SLC2A14: variants seen among roughly 807,000 people sequenced by gnomAD.
The protein encoded by SLC2A14 is solute carrier family 2 member 14, also known as solute carrier family 2, facilitated glucose transporter member 14.
A neutral mutation model predicts 43.0 loss-of-function variants in SLC2A14; 13 were observed. The ratio of observed to expected loss-of-function variants is 0.30; its 90% CI spans 0.20 to 0.48. SLC2A14 has a LOEUF of 0.48. Ranked by LOEUF, SLC2A14 falls within the 20% of genes least tolerant of loss-of-function variation. The probability of loss-of-function intolerance (pLI) is 0.99; values close to 1 mark genes in which losing one functional copy is unlikely to be tolerated. For missense variants in SLC2A14, 428 were observed against 620.4 expected, an observed-to-expected ratio of 0.69 and a Z score of 3.29; for synonymous variants, 190 against 233.8, an observed-to-expected ratio of 0.81 and a Z score of 1.71.
intron 7 of SLC2A14, among the ~76,000 whole-genome samples, chr12:7,826,834 T>TTCC (rs1864398710): frequency 6.8e-5 from 2 of 29,572 alleles, no homozygotes; most frequent in African/African-American, 1.2e-4. Flanking sequence ...TCTTTCTTTC[T>TTCC]TTCCTTCCTT....
At chr12:7,886,349 T>TAA in intron 1 of SLC2A14, among the ~76,000 whole-genome samples, 2 of 14,570 alleles carry the variant, frequency 1.4e-4, no homozygotes, top group African/African-American at 3.6e-4. Flanking sequence ...AAAATTTATT[T>TAA]ATTTATTTAT....
At chr12:7,849,306 C>A (rs980825428) in intron 2 of SLC2A14, among the ~76,000 whole-genome samples, 4 of 151,694 alleles carry the variant, frequency 2.6e-5, no homozygotes, top group Non-Finnish European at 5.9e-5. Context: ...AGTTCAAGAC[C>A]ACCCTGGGCA....
intron 2 of SLC2A14, among the ~76,000 whole-genome samples, chr12:7,838,210 C>T (rs767010732): frequency 6.6e-6 from 1 of 152,140 alleles, no homozygotes; most frequent in South Asian, 2.1e-4. Context: ...GCCTCAGCCT[C>T]CAGAGTAGCT....
rs777877978 is a variant in SLC2A14, at chr12:7,878,794, T to C, written c.132+12202A>G. Among the ~76,000 whole-genome samples, 7 of 151,376 alleles carry C rather than the reference T, an allele frequency of 4.6e-5. 1 individual carries two copies. The highest frequency in any genetic ancestry group is 3.9e-4 in the East Asian group (2 of 5,106). On this transcript the variant is annotated intron_variant, in intron 1 of 9. Coordinates refer to the SLC2A14 transcript ENST00000539924. ...GAGATTGAGACCATCCTGGCCAACA[T>C]GGTGAAACCCTGTTGCTAATAAAAA...
At chr12:7,864,977 G>A (rs75756745) in intron 2 of SLC2A14, among the ~76,000 whole-genome samples, 1 of 152,138 alleles carries the variant, frequency 6.6e-6, no homozygotes, top group African/African-American at 2.4e-5. Context: ...GGTATATCTC[G>A]CTTTATTGCA....
chr12:7,878,976 C>CAAAAAAAAAAA (rs58838986), intron 1 of SLC2A14, among the ~76,000 whole-genome samples: 1 of 69,332 alleles, frequency 1.4e-5, no homozygotes, highest in African/African-American at 5.6e-5. Flanking sequence ...GAGTCCGTCT[C>CAAAAAAAAAAA]AAAAAAAAAA....
intron 1 of SLC2A14, chr12:7,871,120 A>C: frequency 7.5e-7 from 1 of 1,335,592 alleles, no homozygotes; most frequent in Non-Finnish European, 9.9e-7. Flanking sequence ...TTCCCTCACC[A>C]TGTTTGGGGA....
At chr12:7,840,706 G>C (rs1865880816) in intron 2 of SLC2A14, among the ~76,000 whole-genome samples, 1 of 152,178 alleles carries the variant, frequency 6.6e-6, no homozygotes, top group African/African-American at 2.4e-5. Flanking sequence ...TGTTATAGCA[G>C]CATGAACAAA....
chr12:7,861,865 C>T lies in SLC2A14; in HGVS notation c.18+7998G>A, dbSNP rs772427156. 1.4e-4 allele frequency among the ~76,000 whole-genome samples: 21 copies of T among 151,112 alleles called. No homozygotes were observed. In the South Asian group the frequency reaches 2.5e-3, roughly 18 times the overall value. ...CAATCCCACCTACTCGGGAGGCTGA[C>T]GCAGGAGAAATGCTGGAACCCGGGA... On this transcript the variant is annotated intron_variant, in intron 2 of 10. Transcript: ENST00000431042.
intron 7 of SLC2A14, among the ~76,000 whole-genome samples, chr12:7,827,171 C>T (rs1010054185): frequency 7.3e-5 from 11 of 150,458 alleles, no homozygotes; most frequent in African/African-American, 2.0e-4. Flanking sequence ...AGTGCAATGG[C>T]GCAATCTCCA....
chr12:7,825,443 G>C lies in SLC2A14; in HGVS notation c.864+2052C>G, dbSNP rs1446558582. ...CTACTGCACTCTAGCCTGGGCGACA[G>C]AGCAAGACTACCTCTCAAAAAAAAA... On this transcript the variant is annotated intron_variant, in intron 7 of 10. Transcript: ENST00000431042. Among the ~76,000 whole-genome samples the C allele has an allele frequency of 5.0e-5, 5 of 100,400 alleles. No homozygotes were observed. The East Asian group carries it at 1.4e-3, about 28-fold the overall frequency. 65.9% of individuals were successfully genotyped at this position (100,400 alleles called of 152,430 possible).
At position 7,821,040 on chromosome 12, in the gene SLC2A14, T is replaced by C. The variant is rs767106260; in HGVS notation, c.969+181A>G. Among the ~76,000 whole-genome samples, 5 of 152,144 alleles carry C rather than the reference T, an allele frequency of 3.3e-5. No individual in the cohort carries two copies. The East Asian group carries it at 9.7e-4, about 29-fold the overall frequency. On this transcript the variant is annotated intron_variant, in intron 8 of 10. Coordinates refer to ENST00000431042, the MANE Select transcript of SLC2A14 (RefSeq NM_001286234.2). ...AGGCTGAGGTTGCAGTGAGCCGAGA[T>C]TGCACCACTGCACTCCAGCCTGGGC...
chr12:7,867,327 A>G (rs1381893714), intron 2 of SLC2A14, among the ~76,000 whole-genome samples: 3 of 142,422 alleles, frequency 2.1e-5, no homozygotes, highest in Non-Finnish European at 3.1e-5. Flanking sequence ...GATTCATGGG[A>G]GGAGGTCAAA....
Position 7,816,307 on chromosome 12 carries a change from TG to T in SLC2A14, c.1275+1523del, listed in dbSNP as rs1473906246. On this transcript the variant is annotated intron_variant, in intron 10 of 10. Transcript: ENST00000431042. Reference sequence around the variant, plus strand: ...TTTTAGTAGAGACGGGGTTTCACCTTGTTAGCCAGGATGGTCTCGATCTCCT... The same window carrying T: ...TTTTAGTAGAGACGGGGTTTCACCTTTTAGCCAGGATGGTCTCGATCTCCT... Among the ~76,000 whole-genome samples, 6 of 63,138 alleles carry T rather than the reference TG, an allele frequency of 9.5e-5. 1 individual carries two copies. The highest frequency in any genetic ancestry group is 1.9e-4 in the Non-Finnish European group (6 of 31,912). The allele number at this position is 63,138 out of a possible 152,430, so 41.4% of individuals were successfully genotyped here.
intron 2 of SLC2A14, among the ~76,000 whole-genome samples, chr12:7,860,967 T>C (rs1431701875): frequency 6.6e-6 from 1 of 152,092 alleles, no homozygotes; most frequent in East Asian, 1.9e-4. Context: ...TAATTTTTTA[T>C]TTTTAGTAGA....
intron 2 of SLC2A14, among the ~76,000 whole-genome samples, chr12:7,847,618 T>G (rs1324937577): frequency 2.6e-5 from 4 of 152,116 alleles, no homozygotes; most frequent in South Asian, 2.1e-4. Flanking sequence ...CTGTACTCTG[T>G]TCTAGGACTC....
chr12:7,844,246 T>C (rs1026495269), intron 2 of SLC2A14, among the ~76,000 whole-genome samples: 2 of 152,192 alleles, frequency 1.3e-5, no homozygotes, highest in African/African-American at 2.4e-5. Flanking sequence ...AACCATACAG[T>C]ATGTACTCTT....
At chr12:7,869,161 G>A (rs980103436) in intron 2 of SLC2A14, among the ~76,000 whole-genome samples, 3 of 146,834 alleles carry the variant, frequency 2.0e-5, no homozygotes, top group Non-Finnish European at 4.5e-5. Context: ...AAAAAAAACA[G>A]TGTTGACTAA....
At chr12:7,822,730 C>T (rs1864033204) in intron 7 of SLC2A14, among the ~76,000 whole-genome samples, 1 of 151,360 alleles carries the variant, frequency 6.6e-6, no homozygotes, top group Admixed American at 6.6e-5. Context: ...TAAGTTGAGA[C>T]AGCAACTCAC....
Sources: allele counts gnomAD v4.1 joint callset (sites outside exome capture counted in the v4.1 genomes callset), GRCh38; gene constraint gnomAD v4.1.1; transcripts MANE v1.5; gene names NCBI Gene and HGNC (gene_info 2026-07-23, HGNC 2026-07-21).